Variants in TBCCD1 observed in about 807,000 individuals in gnomAD.
The protein encoded by TBCCD1 is TBCC domain containing 1.
In TBCCD1, 26 loss-of-function variants were observed where a neutral mutation model predicts 53.4. That is an observed-to-expected ratio of 0.49 (90% CI 0.36 to 0.68). The LOEUF is 0.68. TBCCD1 is among the 30% of genes least tolerant of loss of function. The pLI is 0.00. For synonymous variants in TBCCD1, 245 were observed against 241.7 expected, an observed-to-expected ratio of 1.01 and a Z score of -0.13; for missense variants, 558 against 669.5, an observed-to-expected ratio of 0.83 and a Z score of 1.84.
chr3:186,558,717 T>C, intron 2 of TBCCD1, 145 bp from the exon 3 acceptor site: 5 of 781,420 alleles, frequency 6.4e-6, no homozygotes, highest in Non-Finnish European at 8.0e-6. Context: ...TATGTATGTC[T>C]CTGGTACCCA....
chr3:186,555,008 C>T lies in TBCCD1; in HGVS notation c.936G>A (p.Met312Ile). Reference protein sequence around the residue: ...VAPRMHRLVVMSQVYKQTLAK... With the variant: ...VAPRMHRLVVISQVYKQTLAK... Reference sequence around the variant, plus strand: ...CCAGTGTCTGCTTGTAAACCTGGCTCATCACTACCAGTCGGTGCATCCTAG... The same window carrying T: ...CCAGTGTCTGCTTGTAAACCTGGCTTATCACTACCAGTCGGTGCATCCTAG... Residue 312 changes from methionine (M) to isoleucine (I), a missense_variant, in exon 5 of 8, where the codon ATG (methionine) becomes ATA (isoleucine). Transcript: ENST00000338733. 6 of 1,614,034 alleles carry T rather than the reference C, an allele frequency of 3.7e-6. No homozygotes were observed. The highest frequency in any genetic ancestry group is 1.1e-5 in the South Asian group (1 of 91,066).
At chr3:186,550,493 C>T (rs1044784948) in intron 7 of TBCCD1, among the ~76,000 whole-genome samples, 1 of 150,656 alleles carries the variant, frequency 6.6e-6, no homozygotes, top group Non-Finnish European at 1.5e-5. Context: ...GACTGAGGTG[C>T]GAGAATCACT....
chr3:186,567,763 G>A (rs540179965), upstream of TBCCD1, among the ~76,000 whole-genome samples: 44 of 152,244 alleles, frequency 2.9e-4, no homozygotes, highest in African/African-American at 9.4e-4. Context: ...AAGAAACTAG[G>A]GCCTAGAAAG....
chr3:186,557,698 G>T (rs922086070), intron 3 of TBCCD1, among the ~76,000 whole-genome samples: 3 of 152,152 alleles, frequency 2.0e-5, no homozygotes, highest in African/African-American at 7.2e-5. Flanking sequence ...AAGAAAGTGA[G>T]AAGAGAGAGT....
intron 7 of TBCCD1, among the ~76,000 whole-genome samples, chr3:186,550,479 C>T (rs1714339829): frequency 1.3e-5 from 2 of 151,488 alleles, no homozygotes; most frequent in Non-Finnish European, 1.5e-5. Context: ...CCAGCTACTC[C>T]GGAGACTGAG....
In TBCCD1 at chr3:186,554,415, T is replaced by C. The variant is rs755766533; in HGVS notation, c.1383A>G (p.Leu461=). Residue 461 remains leucine (L), a synonymous_variant, in exon 6 of 8, where the codon TTA becomes TTG. Transcript: ENST00000338733. The part of the protein sequence containing the change: ...ENSDTRVFQL[L]PPCEFYVFII... ...TAAATACATAGAATTCACAAGGTGG[T>C]AAAAGCTGGAAGACTCTTGTGTCGC... The C allele has an allele frequency of 6.2e-7, 1 of 1,614,230 alleles. No individual in the cohort carries two copies. Among genetic ancestry groups the C allele is most frequent in the South Asian group, 1.1e-5 (1 of 91,088 alleles).
At chr3:186,564,453 C>T (rs1052158355) in intron 1 of TBCCD1, 81 bp from the exon 2 acceptor site, 1 of 890,744 alleles carries the variant, frequency 1.1e-6, no homozygotes, top group Non-Finnish European at 1.7e-6. Flanking sequence ...ACCCCTCTCT[C>T]TCAACTGTGT....
chr3:186,564,453 C>A (rs1052158355), intron 1 of TBCCD1, 81 bp from the exon 2 acceptor site: 7 of 890,626 alleles, frequency 7.9e-6, no homozygotes, highest in African/African-American at 6.7e-5. Flanking sequence ...ACCCCTCTCT[C>A]TCAACTGTGT....
intron 7 of TBCCD1, among the ~76,000 whole-genome samples, chr3:186,550,561 G>A (rs1034921477): frequency 9.9e-5 from 15 of 151,710 alleles, no homozygotes; most frequent in African/African-American, 3.4e-4. Context: ...ACTCCAGCCT[G>A]GGCGAGAGAC....
rs1462663022 is a variant in TBCCD1 at position 186,551,273 on chromosome 3, T to C, written c.1551A>G (p.Gln517=). 3 of 1,611,960 alleles carry C rather than the reference T, an allele frequency of 1.9e-6. No homozygotes were observed. The highest frequency in any genetic ancestry group is 1.3e-5 in the African/African-American group (1 of 74,830). The change falls in exon 7 of 8, where the codon CAA becomes CAG. Residue 517 remains glutamine, a synonymous_variant. Coordinates refer to ENST00000338733, the MANE Select transcript of TBCCD1 (RefSeq NM_018138.5). ...TVKEAHLTKD[Q]RKQFQVLVEN... is the part of the protein sequence containing the mutation. ...CTACCAGTACCTGGAACTGCTTCCTTTGATCCCTAAAATTGCGATTATGAG... is the reference window on the plus strand; with the variant it reads ...CTACCAGTACCTGGAACTGCTTCCTCTGATCCCTAAAATTGCGATTATGAG...
intron 4 of TBCCD1, 64 bp downstream of exon 4, chr3:186,556,345 T>C: frequency 6.5e-7 from 1 of 1,543,338 alleles, no homozygotes; most frequent in Non-Finnish European, 8.7e-7. Context: ...ACTAATATAT[T>C]AGAAAACACT....
chr3:186,559,616 T>C (rs1328440161), intron 2 of TBCCD1, among the ~76,000 whole-genome samples: 1 of 152,210 alleles, frequency 6.6e-6, no homozygotes, highest in Non-Finnish European at 1.5e-5. Flanking sequence ...AACACTATCA[T>C]CTGAGAAACT....
chr3:186,551,304 A>G (rs1344842535), intron 6 of TBCCD1, 25 bp from the exon 7 acceptor site: 1 of 1,601,306 alleles, frequency 6.2e-7, no homozygotes, highest in South Asian at 1.1e-5. Flanking sequence ...ATGAGTAAAA[A>G]GAATATAAGA....
chr3:186,555,275 A>G (rs2108458000), intron 4 of TBCCD1, among the ~76,000 whole-genome samples, 191 bp from the exon 5 acceptor site: 1 of 152,262 alleles, frequency 6.6e-6, no homozygotes, highest in Non-Finnish European at 1.5e-5. Context: ...GTATGTTTGG[A>G]ATTTTCATTT....
Position 186,565,840 on chromosome 3 carries a change from TC to T in TBCCD1, c.-44+1426del, listed in dbSNP as rs1273364516. Among the ~76,000 whole-genome samples the T allele has an allele frequency of 5.3e-5, 8 of 152,360 alleles. No individual in the cohort carries two copies. The East Asian group carries it at 1.5e-3, about 29-fold the overall frequency. On this transcript the variant is annotated intron_variant, in intron 1 of 7. Transcript: ENST00000338733. ...ACATTTCTAAAGCTTGTGAAATATA[TC>T]CTTGTTGCTTCCAAATGATTTTATC...
At chr3:186,565,239 T>C (rs937770167) in intron 1 of TBCCD1, among the ~76,000 whole-genome samples, 22 of 151,796 alleles carry the variant, frequency 1.4e-4, no homozygotes, top group Non-Finnish European at 2.6e-4. Context: ...GCCTCCCCAG[T>C]AGCTGGGACT....
At position 186,558,679 on chromosome 3, in the gene TBCCD1, A is replaced by C. The variant is rs896119546; in HGVS notation, c.337-107T>G. On this transcript the variant is annotated intron_variant, in intron 2 of 7. Coordinates refer to ENST00000338733, the MANE Select transcript of TBCCD1 (RefSeq NM_018138.5). Reference sequence around the variant, plus strand: ...TCACAAGTTGGCTGATCCTAAAAAAACCAACTTAGAAACATTGCCAGTTTT... The same window carrying C: ...TCACAAGTTGGCTGATCCTAAAAAACCCAACTTAGAAACATTGCCAGTTTT... The C allele has an allele frequency of 3.6e-5, 44 of 1,231,782 alleles. No homozygotes were observed. In the South Asian group the frequency reaches 5.9e-4, roughly 16 times the overall value. 76.3% of individuals were successfully genotyped at this position (1,231,782 alleles called of 1,614,324 possible). A position where few individuals can be genotyped will look rare whatever the true frequency, so the allele number is the denominator to read the frequency against.
In TBCCD1 at chr3:186,564,178, C is replaced by T. The variant is rs1438257662; in HGVS notation, c.152G>A (p.Arg51His). The change falls in exon 2 of 8, where the codon CGC (arginine) becomes CAC (histidine). Residue 51 changes from arginine (R) to histidine (H), a missense_variant. By Grantham distance (29) the Arg-to-His change is conservative. Coordinates refer to ENST00000338733, the MANE Select transcript of TBCCD1 (RefSeq NM_018138.5). ...GTGCCTCCATGTAGACCAGTAGAGG[C>T]GCGGGTAAGCTCCTTCTGTGGCCCG... Reference protein sequence around the residue: ...QIRATEGAYPRLYWSTWRHIA... With the variant: ...QIRATEGAYPHLYWSTWRHIA... The T allele has an allele frequency of 3.7e-6, 6 of 1,614,010 alleles. No individual in the cohort carries two copies. Among genetic ancestry groups the T allele is most frequent in the South Asian group, 2.2e-5 (2 of 91,078 alleles).
chr3:186,553,147 G>A (rs946246119), intron 6 of TBCCD1, among the ~76,000 whole-genome samples: 1 of 152,102 alleles, frequency 6.6e-6, no homozygotes, highest in Non-Finnish European at 1.5e-5. Flanking sequence ...GATCACTGTG[G>A]ATCTCACCAC....
Sources: gnomAD v4.1 joint callset for allele counts (sites outside exome capture counted in the v4.1 genomes callset) on GRCh38, gnomAD v4.1.1 for gene constraint, MANE v1.5 for transcripts, NCBI Gene and HGNC (gene_info 2026-07-23, HGNC 2026-07-21) for gene names.